Variants in CSMD2 observed in about 807,000 individuals in gnomAD.
CSMD2 encodes CUB and sushi domain-containing protein 2.
In CSMD2, 130 loss-of-function variants were observed where a neutral mutation model predicts 398.5. The observed-to-expected ratio is 0.33, with a 90% CI of 0.28 to 0.38. The LOEUF is 0.38. Among genes scored for constraint, CSMD2 ranks in the 10% least tolerant of loss-of-function variants. The pLI is 1.00. For missense variants in CSMD2, 3,829 were observed against 4,764.9 expected (o/e 0.80, Z 5.78); for synonymous variants, 1,828 against 1,908.5 (o/e 0.96, Z 1.10).
intron 5 of CSMD2, among the ~76,000 whole-genome samples, chr1:33,883,717 C>T (rs901756201): frequency 1.3e-5 from 2 of 152,184 alleles, no homozygotes; most frequent in African/African-American, 4.8e-5. Context: ...CAGTCAAAGA[C>T]CCATATGATC....
intron 5 of CSMD2, among the ~76,000 whole-genome samples, chr1:33,910,700 A>G (rs997421196): frequency 1.3e-5 from 2 of 152,210 alleles, no homozygotes; most frequent in East Asian, 3.9e-4. Context: ...GGGATTGCCA[A>G]GAGAGGTAGG....
intron 3 of CSMD2, among the ~76,000 whole-genome samples, chr1:33,994,788 G>A (rs563574360): frequency 1.4e-4 from 21 of 152,174 alleles, no homozygotes; most frequent in East Asian, 1.2e-3. Context: ...TATTTCCACC[G>A]GGCACGGTGG....
At chr1:33,867,553 C>T (rs552426728) in intron 5 of CSMD2, among the ~76,000 whole-genome samples, 2 of 152,216 alleles carry the variant, frequency 1.3e-5, no homozygotes, top group South Asian at 4.1e-4. Context: ...TAATTTGTTA[C>T]ACAGCAATAG....
chr1:33,925,322 T>C (rs1644089691), intron 4 of CSMD2, among the ~76,000 whole-genome samples: 1 of 152,194 alleles, frequency 6.6e-6, no homozygotes, highest in South Asian at 2.1e-4. Flanking sequence ...CTAATGCATG[T>C]TCTTGGTGCC....
In CSMD2 at chr1:33,546,215, G is replaced by A. The variant is rs1570686928; in HGVS notation, c.8922C>T (p.Thr2974=). The change falls in exon 57 of 71, where the codon ACC becomes ACT. Residue 2974 remains threonine (T), a synonymous_variant. Coordinates refer to ENST00000373381, the MANE Select transcript of CSMD2 (RefSeq NM_001281956.2). Reference sequence around the variant, plus strand: ...CAGGGTCACCGCAAACTCCCACGCTGGTTCCTATGGACCAGAACCACACAA... The same window carrying A: ...CAGGGTCACCGCAAACTCCCACGCTAGTTCCTATGGACCAGAACCACACAA... ...WTGSLPHCSG[T]SVGVCGDPGI... 10 of 1,612,872 alleles carry A rather than the reference G, an allele frequency of 6.2e-6. No individual in the cohort carries two copies. Among genetic ancestry groups the A allele is most frequent in the Non-Finnish European group, 7.6e-6 (9 of 1,179,168 alleles).
Position 33,743,487 on chromosome 1 carries a change from T to C in CSMD2, c.1966A>G (p.Ile656Val). 6.2e-7 allele frequency: 1 copy of C among 1,614,080 alleles called. No homozygotes were observed. The highest frequency in any genetic ancestry group is 8.5e-7 in the Non-Finnish European group (1 of 1,180,028). Residue 656 changes from isoleucine (I) to valine (V), a missense_variant, in exon 14 of 71, where the codon ATC becomes GTC. By Grantham distance (29) the Ile-to-Val change is conservative (BLOSUM62 3). Coordinates refer to ENST00000373381, the MANE Select transcript of CSMD2 (RefSeq NM_001281956.2). ...WLILARPESR[I>V]HLAFNDIDVE... Reference sequence around the variant, plus strand: ...TCAATGTCGTTGAAGGCCAGGTGGATGCGGCTCTCAGGCCTGGCCAGGATG... The same window carrying C: ...TCAATGTCGTTGAAGGCCAGGTGGACGCGGCTCTCAGGCCTGGCCAGGATG...
chr1:33,617,824 C>A (rs1423860102), intron 37 of CSMD2, among the ~76,000 whole-genome samples: 1 of 152,162 alleles, frequency 6.6e-6, no homozygotes, highest in African/African-American at 2.4e-5. Flanking sequence ...GGAGGCTCAA[C>A]AGACCAAAGC....
chr1:33,782,039 C>T (rs1268328558), intron 12 of CSMD2, among the ~76,000 whole-genome samples: 3 of 152,150 alleles, frequency 2.0e-5, no homozygotes, highest in Non-Finnish European at 4.4e-5. Flanking sequence ...GGTTGTATCT[C>T]TCTGCTCAAA....
At chr1:34,076,163 G>A (rs765731395) in intron 2 of CSMD2, among the ~76,000 whole-genome samples, 3 of 152,172 alleles carry the variant, frequency 2.0e-5, no homozygotes, top group Non-Finnish European at 4.4e-5. Flanking sequence ...CAAGCTGTGC[G>A]CAGTGTGTCT....
chr1:34,011,091 AG>A (rs1378927081), intron 3 of CSMD2, among the ~76,000 whole-genome samples: 3 of 151,978 alleles, frequency 2.0e-5, no homozygotes, highest in Non-Finnish European at 2.9e-5. Context: ...ACCCCTTCAC[AG>A]CCTTGGTCAC....
rs537459422 is a variant in CSMD2, at chr1:33,897,658, C to T, written c.920+20436G>A. 3.9e-5 allele frequency among the ~76,000 whole-genome samples: 6 copies of T among 152,306 alleles called. No individual in the cohort carries two copies. In the East Asian group the frequency reaches 9.6e-4, roughly 24 times the overall value. Reference sequence around the variant, plus strand: ...TGACAACAGAGCCAGGAGTCTCAGCCTCACTGTACTGTGGAATCACCCAGG... The same window carrying T: ...TGACAACAGAGCCAGGAGTCTCAGCTTCACTGTACTGTGGAATCACCCAGG... On this transcript the variant is annotated intron_variant, in intron 5 of 70. Coordinates refer to ENST00000373381, the MANE Select transcript of CSMD2 (RefSeq NM_001281956.2).
chr1:33,684,834 G>A (rs1168506258), intron 25 of CSMD2, among the ~76,000 whole-genome samples: 3 of 152,184 alleles, frequency 2.0e-5, no homozygotes, highest in Non-Finnish European at 4.4e-5. Context: ...ATCTGTCCTC[G>A]CAGACACTTT....
intron 15 of CSMD2, among the ~76,000 whole-genome samples, chr1:33,736,494 A>T (rs1192167279): frequency 1.3e-5 from 2 of 152,052 alleles, no homozygotes; most frequent in African/African-American, 4.8e-5. Flanking sequence ...AAAAAAAAAA[A>T]TAGTGAGCCA....
chr1:33,666,983 T>C (rs894153711), intron 25 of CSMD2, among the ~76,000 whole-genome samples: 8 of 151,928 alleles, frequency 5.3e-5, no homozygotes, highest in Non-Finnish European at 1.0e-4. Context: ...TTTAATAACA[T>C]GAGATAAGAC....
chr1:33,848,694 G>A (rs981603092), intron 5 of CSMD2, among the ~76,000 whole-genome samples: 5 of 152,020 alleles, frequency 3.3e-5, no homozygotes, highest in African/African-American at 1.2e-4. Flanking sequence ...AACCCATACC[G>A]CTATGGTAAA....
chr1:33,517,776 C>T (rs1203029278), intron 70 of CSMD2, among the ~76,000 whole-genome samples: 1 of 152,198 alleles, frequency 6.6e-6, no homozygotes, highest in Non-Finnish European at 1.5e-5. Context: ...CCCTGACTCA[C>T]TCACCATCTG....
intron 40 of CSMD2, among the ~76,000 whole-genome samples, chr1:33,612,135 G>A (rs755889949): frequency 6.6e-6 from 1 of 152,220 alleles, no homozygotes; most frequent in African/African-American, 2.4e-5. Context: ...GCAAGATCAA[G>A]AAGGTCCTTG....
At chr1:33,616,652 G>C (rs559746322) in intron 39 of CSMD2, among the ~76,000 whole-genome samples, 1 of 152,178 alleles carries the variant, frequency 6.6e-6, no homozygotes, top group East Asian at 1.9e-4. Context: ...GAGCCAGAAC[G>C]GTCATCATCA....
rs1557491526 is a variant in CSMD2, at chr1:33,532,886, C to CA, written c.10171+163_10171+164insT. ...GGGTTGAGTATGCACCTTTTTAGAC[C>CA]GCTCTGCTTTGCTCTTCTAGACTCA... On this transcript the variant is annotated intron_variant, in intron 64 of 70. Transcript: ENST00000373381. Among the ~76,000 whole-genome samples the CA allele has an allele frequency of 2.0e-5, 3 of 152,368 alleles. No homozygotes were observed. The East Asian group carries it at 5.8e-4, about 29-fold the overall frequency.
Sources: gnomAD v4.1 joint callset for allele counts (sites outside exome capture counted in the v4.1 genomes callset) on GRCh38, gnomAD v4.1.1 for gene constraint, MANE v1.5 for transcripts, NCBI Gene and HGNC (gene_info 2026-07-23, HGNC 2026-07-21) for gene names.